PCDH15: variants seen among roughly 807,000 people sequenced by gnomAD.
The protein encoded by PCDH15 is protocadherin related 15.
PCDH15 carries 129 observed loss-of-function variants against 178.5 expected under a neutral mutation model. That is an observed-to-expected ratio of 0.72 (90% CI 0.63 to 0.84). PCDH15 has a LOEUF of 0.84. PCDH15 is among the 40% of genes least tolerant of loss of function. The pLI is 0.00. For synonymous variants in PCDH15, 800 were observed against 732.0 expected, an observed-to-expected ratio of 1.09 and a Z score of -1.50; for missense variants, 2,230 against 2,099.9, an observed-to-expected ratio of 1.06 and a Z score of -1.21.
chr10:53,821,921 C>A lies in PCDH15; in HGVS notation c.4368-1691G>T, dbSNP rs727504069. 9 of 1,613,538 alleles carry A rather than the reference C, an allele frequency of 5.6e-6. No individual in the cohort carries two copies. The East Asian group carries it at 1.1e-4, about 20-fold the overall frequency. On this transcript the variant is annotated intron_variant, in intron 32 of 37. Coordinates refer to ENST00000644397, the MANE Select transcript of PCDH15 (RefSeq NM_001384140.1). ...TTCCCTCGACAATATTGTTCAAACT[C>A]CCCTTGTTTTGTTCAGATGTGATTT...
rs564715024 is a variant in PCDH15, at chr10:55,607,149, G to A, written c.-156+20476C>T. On this transcript the variant is annotated intron_variant, in intron 2 of 5. Coordinates refer to the PCDH15 transcript ENST00000613346. ...GCAGCCAAAAAACACATGAAAAAAT[G>A]CTCATCATCACTGGCCATCAGAGAA... 4.6e-5 allele frequency among the ~76,000 whole-genome samples: 7 copies of A among 151,968 alleles called. No individual in the cohort carries two copies. The East Asian group carries it at 1.2e-3, about 25-fold the overall frequency.
At chr10:55,032,422 TAA>T (rs1432099690) in intron 2 of PCDH15, among the ~76,000 whole-genome samples, 1 of 152,174 alleles carries the variant, frequency 6.6e-6, no homozygotes, top group African/African-American at 2.4e-5. Context: ...GCTAAAAAAT[TAA>T]AAGACAGAAT....
chr10:54,181,372 A>G (rs1193985079), intron 13 of PCDH15, among the ~76,000 whole-genome samples: 2 of 152,080 alleles, frequency 1.3e-5, no homozygotes, highest in Non-Finnish European at 1.5e-5. Context: ...TAGCTACACT[A>G]TATTTATTTT....
chr10:54,065,685 G>A (rs2094123446), intron 18 of PCDH15, among the ~76,000 whole-genome samples: 1 of 152,180 alleles, frequency 6.6e-6, no homozygotes, highest in African/African-American at 2.4e-5. Flanking sequence ...ATTTGAGATA[G>A]TGACAATGAT....
intron 6 of PCDH15, among the ~76,000 whole-genome samples, chr10:54,338,068 T>A (rs970293570): frequency 2.0e-5 from 3 of 152,226 alleles, no homozygotes. Flanking sequence ...TAATGATGCA[T>A]TATGATTACA....
intron 3 of PCDH15, among the ~76,000 whole-genome samples, chr10:54,379,729 C>T (rs116301713): frequency 0.019 from 2,953 of 152,118 alleles, 102 homozygotes; most frequent in African/African-American, 0.067. Flanking sequence ...CCATTTTTCC[C>T]TCACGCAGCA....
At chr10:54,933,317 T>C (rs1297748491) in intron 2 of PCDH15, among the ~76,000 whole-genome samples, 1 of 152,170 alleles carries the variant, frequency 6.6e-6, no homozygotes, top group Non-Finnish European at 1.5e-5. Flanking sequence ...TTGATGGGTC[T>C]GCTGATTGTG....
intron 2 of PCDH15, among the ~76,000 whole-genome samples, chr10:54,532,705 A>T (rs980655433): frequency 6.6e-6 from 1 of 152,100 alleles, no homozygotes; most frequent in African/African-American, 2.4e-5. Flanking sequence ...CTCAAGTGCA[A>T]GTACAGCAGG....
intron 2 of PCDH15, among the ~76,000 whole-genome samples, chr10:55,036,638 C>G (rs1381003700): frequency 6.6e-6 from 1 of 152,168 alleles, no homozygotes; most frequent in African/African-American, 2.4e-5. Context: ...CTGCAATTTC[C>G]TTGACTTTTG....
chr10:54,973,561 G>T (rs559097943), intron 2 of PCDH15, among the ~76,000 whole-genome samples: 117 of 152,276 alleles, frequency 7.7e-4, no homozygotes, highest in African/African-American at 2.6e-3. Context: ...GCTTGCAGTA[G>T]TTTCAGAATT....
chr10:54,537,937 C>G (rs2084762514), intron 2 of PCDH15, among the ~76,000 whole-genome samples: 1 of 151,980 alleles, frequency 6.6e-6, no homozygotes, highest in African/African-American at 2.4e-5. Flanking sequence ...CTGTTCATGT[C>G]TTTTGCCAAT....
In PCDH15 at chr10:53,857,199, T is replaced by G. The variant is rs201106387; in HGVS notation, c.3782A>C (p.Glu1261Ala). ...IVSNVPPTLV[E>A]KKIEDLTEIL... is the part of the protein sequence containing the mutation. Reference sequence around the variant, plus strand: ...CTCTGTAAGATCTTCTATCTTTTTTTCCACTAGAGTAGGAGGCACATTGGA... The same window carrying G: ...CTCTGTAAGATCTTCTATCTTTTTTGCCACTAGAGTAGGAGGCACATTGGA... The change falls in exon 28 of 38, where the codon GAA (glutamate) becomes GCA (alanine). Residue 1261 changes from glutamate to alanine, a missense_variant. Physicochemically the swap from Glu to Ala is moderately radical, Grantham distance 107. Coordinates refer to ENST00000644397, the MANE Select transcript of PCDH15 (RefSeq NM_001384140.1). The G allele has an allele frequency of 2.5e-6, 4 of 1,607,792 alleles. No homozygotes were observed. The South Asian group carries it at 3.3e-5, about 13-fold the overall frequency.
At chr10:54,227,486 C>A (rs2053577913) in intron 9 of PCDH15, among the ~76,000 whole-genome samples, 1 of 152,166 alleles carries the variant, frequency 6.6e-6, no homozygotes, top group Admixed American at 6.5e-5. Context: ...GCCCACAGAA[C>A]CATCTTTTCT....
chr10:54,453,674 A>G (rs1294844684), intron 3 of PCDH15, among the ~76,000 whole-genome samples: 2 of 151,836 alleles, frequency 1.3e-5, no homozygotes, highest in African/African-American at 2.4e-5. Context: ...AAGAAAAAAA[A>G]AAGAAAGTGA....
chr10:54,429,196 T>G (rs1956659099), intron 3 of PCDH15, among the ~76,000 whole-genome samples: 2 of 152,282 alleles, frequency 1.3e-5, no homozygotes, highest in South Asian at 4.1e-4. Flanking sequence ...GATTTTCAAG[T>G]GTAGAATTTT....
chr10:53,840,912 C>T (rs567597553), intron 28 of PCDH15, among the ~76,000 whole-genome samples: 149 of 152,282 alleles, frequency 9.8e-4, no homozygotes, highest in Non-Finnish European at 1.7e-3. Context: ...TGACACGTAG[C>T]TATATGCTAA....
chr10:53,825,427 C>A (rs1445747912), intron 32 of PCDH15, among the ~76,000 whole-genome samples: 3 of 151,650 alleles, frequency 2.0e-5, no homozygotes, highest in Non-Finnish European at 4.4e-5. Flanking sequence ...TTCTATTAAA[C>A]CTGGATGATG....
intron 2 of PCDH15, among the ~76,000 whole-genome samples, chr10:55,606,554 G>C (rs866929485): frequency 7.1e-6 from 1 of 140,588 alleles, no homozygotes; most frequent in African/African-American, 2.7e-5. Flanking sequence ...CAGAGATTTA[G>C]ATCAATGGAA....
chr10:55,165,941 C>G (rs1839185576), intron 2 of PCDH15, among the ~76,000 whole-genome samples: 1 of 151,962 alleles, frequency 6.6e-6, no homozygotes, highest in African/African-American at 2.4e-5. Flanking sequence ...GGATTTAAAA[C>G]ATTATAATAC....
Sources: allele counts gnomAD v4.1 joint callset (sites outside exome capture counted in the v4.1 genomes callset), GRCh38; gene constraint gnomAD v4.1.1; transcripts MANE v1.5; gene names NCBI Gene and HGNC (gene_info 2026-07-23, HGNC 2026-07-21).